IL4I1: variants seen among roughly 807,000 people sequenced by gnomAD.
IL4I1 encodes the protein L-amino-acid oxidase.
Under a neutral mutation model 29.7 loss-of-function variants are expected in IL4I1, and 24 were observed. The observed-to-expected ratio is 0.81, with a 90% CI of 0.59 to 1.14. The LOEUF (loss-of-function observed/expected upper bound fraction) is 1.14, where lower values mean the gene tolerates loss of function less well. Ranked by LOEUF, IL4I1 falls within the 50% of genes most tolerant of loss-of-function variation. The probability of loss-of-function intolerance (pLI) is 0.00; values close to 1 mark genes in which losing one functional copy is unlikely to be tolerated. For missense variants in IL4I1, 686 were observed against 785.6 expected, an observed-to-expected ratio of 0.87 and a Z score of 1.52; for synonymous variants, 371 against 352.5, an observed-to-expected ratio of 1.05 and a Z score of -0.59.
upstream of IL4I1, chr19:49,901,586 AACCCTCCTTCCTGTTTC>A: frequency 7.9e-7 from 1 of 1,270,336 alleles, no homozygotes; most frequent in South Asian, 1.7e-5. Context: ...CTTCCCATGG[AACCCTCCTTCCTGTTTC>A]CAGAACATCC....
Position 49,889,850 on chromosome 19 carries a change from C to T in IL4I1, c.1524G>A (p.Lys508=). The T allele has an allele frequency of 6.3e-7, 1 of 1,591,632 alleles. No homozygotes were observed. Among genetic ancestry groups the T allele is most frequent in the South Asian group, 1.1e-5 (1 of 88,694 alleles). ...LRAAIKINSR[K]GPASDTASPE... ...GGCTGGCCGTGTCCGATGCAGGCCC[C>T]TTCCGGCTGTTGATCTTGATGGCGG... The change falls in exon 8 of 8, where the codon AAG becomes AAA. Residue 508 remains lysine (K), a synonymous_variant. Transcript: ENST00000391826.
At chr19:49,891,138 C>T in intron 6 of IL4I1, 31 bp from the exon 7 acceptor site, 1 of 1,603,750 alleles carries the variant, frequency 6.2e-7, no homozygotes, top group Non-Finnish European at 8.5e-7. Context: ...GAGGTTAGGG[C>T]CCAGGCAGGC....
chr19:49,891,411 C>CGT lies in IL4I1; in HGVS notation c.628_629dup (p.Leu211ArgfsTer12), dbSNP rs2075137321. ...AACCAAGATCCCCACTTACCAAGAGCGTGTGCCTTTCAAACTTCTTCATCG... is the reference window on the plus strand; with the variant it reads ...AACCAAGATCCCCACTTACCAAGAGCGTGTGTGCCTTTCAAACTTCTTCATCG... On this transcript the variant is annotated frameshift_variant, in exon 6 of 8. Transcript: ENST00000391826. LOFTEE classifies it high-confidence loss of function. 1 of 1,613,910 alleles carries CGT rather than the reference C, an allele frequency of 6.2e-7. No homozygotes were observed.
At chr19:49,898,555 C>T (rs2075240870), upstream of IL4I1, among the ~76,000 whole-genome samples, 1 of 152,102 alleles carries the variant, frequency 6.6e-6, no homozygotes, top group South Asian at 2.1e-4. Context: ...GGCTTTGCAC[C>T]CATCGTAAGC....
At chr19:49,903,038 C>G (rs1275731836) in intron 3 of IL4I1, among the ~76,000 whole-genome samples, 1 of 151,958 alleles carries the variant, frequency 6.6e-6, no homozygotes, top group Admixed American at 6.6e-5. Flanking sequence ...TCGCTTGAAC[C>G]CGGGAGGCAG....
intron 2 of IL4I1, among the ~76,000 whole-genome samples, chr19:49,906,346 CCA>C (rs2075323553): frequency 6.6e-6 from 1 of 152,112 alleles, no homozygotes; most frequent in Non-Finnish European, 1.5e-5. Flanking sequence ...GTAGCTGGGA[CCA>C]CAGTTGCGTG....
rs28378308 is a variant in IL4I1 at position 49,923,416 on chromosome 19, G to A, written c.-228+4278C>T. Reference sequence around the variant, plus strand: ...AGCAGCACAGGGCGGGGGGTTGTGGGGAACGTTTCTGGGAATGAGGAGGGC... The same window carrying A: ...AGCAGCACAGGGCGGGGGGTTGTGGAGAACGTTTCTGGGAATGAGGAGGGC... On this transcript the variant is annotated intron_variant, in intron 2 of 9. Coordinates refer to the IL4I1 transcript ENST00000341114. Among the ~76,000 whole-genome samples, 305 of 152,336 alleles carry A rather than the reference G, an allele frequency of 2.0e-3. 2 individuals carry two copies. Among genetic ancestry groups the A allele is most frequent in the African/African-American group, 7.0e-3 (289 of 41,578 alleles).
chr19:49,895,068 C>T lies in IL4I1; in HGVS notation c.365G>A (p.Arg122Lys). Residue 122 changes from arginine to lysine, a missense_variant and splice_region_variant, in exon 4 of 8, where the codon AGG (arginine) becomes AAG (lysine). By Grantham distance (26) the Arg-to-Lys change is conservative (BLOSUM62 2). Coordinates refer to ENST00000391826, the MANE Select transcript of IL4I1 (RefSeq NM_152899.2). Reference protein sequence around the residue: ...LGAMRMPSSHRILHKLCQGLG... With the variant: ...LGAMRMPSSHKILHKLCQGLG... Reference sequence around the variant, plus strand: ...ACAGGTGGGTGGGTTGCTAGGTCACCTGTGAGAGCTGGGCATGCGCATGGC... The same window carrying T: ...ACAGGTGGGTGGGTTGCTAGGTCACTTGTGAGAGCTGGGCATGCGCATGGC... The T allele has an allele frequency of 6.2e-7, 1 of 1,612,618 alleles. No individual in the cohort carries two copies. The highest frequency in any genetic ancestry group is 1.3e-5 in the African/African-American group (1 of 74,960).
Position 49,891,575 on chromosome 19 carries a change from G to C in IL4I1, c.568-102C>G. On this transcript the variant is annotated intron_variant, in intron 5 of 7. Coordinates refer to ENST00000391826, the MANE Select transcript of IL4I1 (RefSeq NM_152899.2). The stretch of plus-strand genomic sequence containing the variant: ...GGCTTCTCCTCGTGGTTCTGCCCAC[G>C]GCTGGCCATTCACCACTCTCAAGCC... 3 of 1,024,574 alleles carry C rather than the reference G, an allele frequency of 2.9e-6. No individual in the cohort carries two copies. In the South Asian group the frequency reaches 3.9e-5, roughly 13 times the overall value. The allele number at this position is 1,024,574 out of a possible 1,614,324, so 63.5% of individuals were successfully genotyped here.
chr19:49,894,542 A>C, intron 4 of IL4I1, 73 bp from the exon 5 acceptor site: 2 of 693,372 alleles, frequency 2.9e-6, no homozygotes, highest in Non-Finnish European at 2.3e-6. Flanking sequence ...GACTTGGAGA[A>C]GAGGGGTGGG....
At chr19:49,917,330 T>A (rs557489684) in intron 2 of IL4I1, among the ~76,000 whole-genome samples, 1 of 152,358 alleles carries the variant, frequency 6.6e-6, no homozygotes, top group South Asian at 2.1e-4. Flanking sequence ...GGATTCTCCG[T>A]CTGCAAACTC....
chr19:49,924,148 G>A (rs1362171658), intron 2 of IL4I1, among the ~76,000 whole-genome samples: 2 of 152,284 alleles, frequency 1.3e-5, no homozygotes, highest in East Asian at 3.9e-4. Flanking sequence ...CTACACCATG[G>A]GCCTCGGGGC....
rs780467460 is a variant in IL4I1 at position 49,895,997 on chromosome 19, A to G, written c.70T>C (p.Trp24Arg). The G allele has an allele frequency of 3.1e-6, 5 of 1,614,156 alleles. No homozygotes were observed. Among genetic ancestry groups the G allele is most frequent in the East Asian group, 2.2e-5 (1 of 44,884 alleles). The change falls in exon 3 of 8, where the codon TGG becomes CGG. Residue 24 changes from tryptophan to arginine, a missense_variant. By Grantham distance (101) the Trp-to-Arg change is moderately radical (BLOSUM62 -3). Transcript: ENST00000391826. ...GGGTCTTGGCTGCGTTCAGCCTTCCAGTCCTGGGAGGCCACCAGGCTGAGG... is the reference window on the plus strand; with the variant it reads ...GGGTCTTGGCTGCGTTCAGCCTTCCGGTCCTGGGAGGCCACCAGGCTGAGG... ...ILLSLVASQD[W>R]KAERSQDPFE...
At chr19:49,899,850 C>T (rs1378851337), upstream of IL4I1, among the ~76,000 whole-genome samples, 1 of 152,072 alleles carries the variant, frequency 6.6e-6, no homozygotes, top group East Asian at 1.9e-4. Flanking sequence ...CCACCTCGCC[C>T]GGCCACACCT....
At chr19:49,914,122 G>A (rs1355725485) in intron 2 of IL4I1, among the ~76,000 whole-genome samples, 1 of 152,178 alleles carries the variant, frequency 6.6e-6, no homozygotes, top group Non-Finnish European at 1.5e-5. Context: ...GCCAAGGCAG[G>A]AGGATTGCTT....
At chr19:49,913,860 TGAGG>T (rs2122651795) in intron 2 of IL4I1, among the ~76,000 whole-genome samples, 1 of 152,158 alleles carries the variant, frequency 6.6e-6, no homozygotes, top group South Asian at 2.1e-4. Flanking sequence ...GGCGTTATAT[TGAGG>T]GAGCCACAGG....
Position 49,894,424 on chromosome 19 carries a change from C to A in IL4I1, c.411G>T (p.Lys137Asn), listed in dbSNP as rs2075178670. Residue 137 changes from lysine (K) to asparagine (N), a missense_variant, in exon 5 of 8, where the codon AAG (lysine) becomes AAT (asparagine). Transcript: ENST00000391826. ...LCQGLGLNLTKFTQYDKNTWT... is the reference protein window; with the variant it reads ...LCQGLGLNLTNFTQYDKNTWT... ...ACGTGTTCTTGTCGTACTGGGTGAA[C>A]TTGGTCAGGTTGAGCCCCAGGCCCT... is the stretch of plus-strand genomic sequence containing the variant. 1.9e-6 allele frequency: 3 copies of A among 1,614,064 alleles called. No individual in the cohort carries two copies. The highest frequency in any genetic ancestry group is 3.3e-5 in the Admixed American group (2 of 60,004).
At chr19:49,915,767 T>C (rs2075607902) in intron 2 of IL4I1, among the ~76,000 whole-genome samples, 1 of 152,172 alleles carries the variant, frequency 6.6e-6, no homozygotes, top group South Asian at 2.1e-4. Context: ...GAGGTGTGAT[T>C]CTGAAAATCC....
chr19:49,914,119 CAGG>C (rs1325701555), intron 2 of IL4I1, among the ~76,000 whole-genome samples: 1 of 152,088 alleles, frequency 6.6e-6, no homozygotes, highest in Non-Finnish European at 1.5e-5. Flanking sequence ...GAGGCCAAGG[CAGG>C]AGGATTGCTT....
Sources: gnomAD v4.1 joint callset for allele counts (sites outside exome capture counted in the v4.1 genomes callset) on GRCh38, gnomAD v4.1.1 for gene constraint, MANE v1.5 for transcripts, NCBI Gene and HGNC (gene_info 2026-07-23, HGNC 2026-07-21) for gene names.